The following SH3RF3 variants were observed in gnomAD, a reference collection of about 807,000 sequenced individuals.
SH3RF3 encodes SH3 domain containing ring finger 3.
Under a neutral mutation model 66.3 loss-of-function variants are expected in SH3RF3, and 29 were observed. The ratio of observed to expected loss-of-function variants is 0.44; its 90% CI spans 0.33 to 0.60. The LOEUF (loss-of-function observed/expected upper bound fraction) is 0.60. Ranked by LOEUF, SH3RF3 falls within the 20% of genes least tolerant of loss-of-function variation. The pLI, the probability that SH3RF3 is intolerant of heterozygous loss-of-function variation, is 0.04. For missense variants in SH3RF3, 1,194 were observed against 1,190.9 expected, an observed-to-expected ratio of 1.00 and a Z score of -0.04; for synonymous variants, 583 against 532.0, an observed-to-expected ratio of 1.10 and a Z score of -1.32.
At chr2:109,347,133 T>A (rs1378846156) in intron 1 of SH3RF3, among the ~76,000 whole-genome samples, 1 of 152,180 alleles carries the variant, frequency 6.6e-6, no homozygotes, top group Non-Finnish European at 1.5e-5. Context: ...CTGTGACTAT[T>A]CAGTAGATGA....
intron 7 of SH3RF3, among the ~76,000 whole-genome samples, chr2:109,444,622 A>G (rs1267866733): frequency 6.6e-6 from 1 of 152,204 alleles, no homozygotes; most frequent in African/African-American, 2.4e-5. Context: ...TGGCCTGAGG[A>G]CTAGGACTAG....
At chr2:109,498,376 G>A (rs1404933131) in intron 9 of SH3RF3, among the ~76,000 whole-genome samples, 1 of 152,138 alleles carries the variant, frequency 6.6e-6, no homozygotes, top group Non-Finnish European at 1.5e-5. Flanking sequence ...TCCTCCTCTT[G>A]CCAGCCTGGT....
At chr2:109,245,467 C>T (rs975988880) in intron 1 of SH3RF3, among the ~76,000 whole-genome samples, 3 of 152,168 alleles carry the variant, frequency 2.0e-5, no homozygotes, top group African/African-American at 4.8e-5. Context: ...CACATTAGTG[C>T]TTCCTATGTG....
chr2:109,138,345 A>G (rs1676862014), intron 1 of SH3RF3, among the ~76,000 whole-genome samples: 1 of 152,186 alleles, frequency 6.6e-6, no homozygotes, highest in Non-Finnish European at 1.5e-5. Flanking sequence ...AGAAATTTCT[A>G]AAAAATCTGT....
intron 3 of SH3RF3, among the ~76,000 whole-genome samples, chr2:109,390,952 A>C (rs907208940): frequency 6.6e-6 from 1 of 152,162 alleles, no homozygotes; most frequent in Non-Finnish European, 1.5e-5. Context: ...AGGTTCCACA[A>C]ACTGATCTGC....
intron 1 of SH3RF3, among the ~76,000 whole-genome samples, chr2:109,304,101 CAA>C (rs544740728): frequency 1.6e-5 from 2 of 128,802 alleles, no homozygotes. Flanking sequence ...AACTCCATCT[CAA>C]AAAAAAAAAA....
chr2:109,178,048 G>GC (rs1677968106), intron 1 of SH3RF3, among the ~76,000 whole-genome samples: 1 of 152,084 alleles, frequency 6.6e-6, no homozygotes, highest in Admixed American at 6.5e-5. Context: ...ATGTTTCTTT[G>GC]CTAAGGTATA....
chr2:109,300,251 G>T (rs1008459739), intron 1 of SH3RF3, among the ~76,000 whole-genome samples: 1 of 152,150 alleles, frequency 6.6e-6, no homozygotes, highest in Non-Finnish European at 1.5e-5. Context: ...CCAGGCTGGA[G>T]TGCAGTGAAC....
At chr2:109,329,590 A>C (rs995243014) in intron 1 of SH3RF3, among the ~76,000 whole-genome samples, 1 of 152,218 alleles carries the variant, frequency 6.6e-6, no homozygotes, top group Non-Finnish European at 1.5e-5. Flanking sequence ...TGGAAGGCTG[A>C]TGATAAGTCT....
chr2:109,376,127 T>A, intron 3 of SH3RF3, among the ~76,000 whole-genome samples: 1 of 152,144 alleles, frequency 6.6e-6, no homozygotes, highest in East Asian at 1.9e-4. Context: ...GTTTGTGGAG[T>A]GAAAGCTGCT....
At chr2:109,359,171 C>T (rs1038087414) in intron 2 of SH3RF3, among the ~76,000 whole-genome samples, 1 of 152,148 alleles carries the variant, frequency 6.6e-6, no homozygotes. Flanking sequence ...AGACTGTCTT[C>T]ATTATTGTAA....
rs368573587 is a variant in SH3RF3 at position 109,449,294 on chromosome 2, G to A, written c.1953G>A (p.Gln651=). The A allele has an allele frequency of 1.2e-5, 20 of 1,608,484 alleles. No individual in the cohort carries two copies. The highest frequency in any genetic ancestry group is 1.6e-5 in the Non-Finnish European group (19 of 1,177,500). The stretch of plus-strand genomic sequence containing the variant: ...GGCCCCACTCGGTGGTGTCCCCGCA[G>A]CACAGCCACCAGCCCCCGGTGCAGA... ...SLRPHSVVSP[Q]HSHQPPVQMC... The change falls in exon 8 of 10, where the codon CAG becomes CAA. Residue 651 remains glutamine, a synonymous_variant. Transcript: ENST00000309415.
chr2:109,427,034 T>C (rs2104548553), intron 5 of SH3RF3, among the ~76,000 whole-genome samples: 1 of 152,270 alleles, frequency 6.6e-6, no homozygotes, highest in Middle Eastern at 3.4e-3. Flanking sequence ...AGTGGCATGA[T>C]CTCAGCTCAC....
chr2:109,417,614 T>G, intron 4 of SH3RF3, among the ~76,000 whole-genome samples: 1 of 151,742 alleles, frequency 6.6e-6, no homozygotes, highest in Non-Finnish European at 1.5e-5. Flanking sequence ...AAATCAAAGG[T>G]TTTTCTCACA....
At chr2:109,475,621 C>T (rs1678662753) in intron 8 of SH3RF3, among the ~76,000 whole-genome samples, 1 of 152,250 alleles carries the variant, frequency 6.6e-6, no homozygotes, top group Admixed American at 6.5e-5. Context: ...GCCAGATAAT[C>T]CTCTGTTTTG....
intron 7 of SH3RF3, among the ~76,000 whole-genome samples, chr2:109,443,378 C>T (rs189882924): frequency 2.2e-4 from 34 of 152,228 alleles, no homozygotes; most frequent in Admixed American, 6.5e-4. Flanking sequence ...CTCTGTGTGA[C>T]GCTGAAACAA....
chr2:109,353,649 C>G (rs1682885134), intron 2 of SH3RF3, among the ~76,000 whole-genome samples: 1 of 152,172 alleles, frequency 6.6e-6, no homozygotes, highest in South Asian at 2.1e-4. Flanking sequence ...CTTCTTGGTC[C>G]ATTCCTTCAC....
chr2:109,146,416 T>G (rs1677099276), intron 1 of SH3RF3, among the ~76,000 whole-genome samples: 1 of 152,070 alleles, frequency 6.6e-6, no homozygotes, highest in South Asian at 2.1e-4. Flanking sequence ...TTCTGTGGAG[T>G]CTGTGGAGTC....
rs144606111 is a variant in SH3RF3 at position 109,299,099 on chromosome 2, C to T, written c.574-48575C>T. ...CCCACAAGCCACTGGGCAGGCTCCC[C>T]CAGGGCATTTGCAGATGAGGCCCCC... is the stretch of plus-strand genomic sequence containing the variant. On this transcript the variant is annotated intron_variant, in intron 1 of 9. Coordinates refer to ENST00000309415, the MANE Select transcript of SH3RF3 (RefSeq NM_001099289.3). Among the ~76,000 whole-genome samples the T allele has an allele frequency of 5.9e-5, 9 of 152,314 alleles. No homozygotes were observed. The East Asian group carries it at 1.5e-3, about 26-fold the overall frequency.
Sources: allele counts gnomAD v4.1 joint callset (sites outside exome capture counted in the v4.1 genomes callset), GRCh38; gene constraint gnomAD v4.1.1; transcripts MANE v1.5; gene names NCBI Gene and HGNC (gene_info 2026-07-23, HGNC 2026-07-21).